SHISA9: variants seen among roughly 807,000 people sequenced by gnomAD.
The protein encoded by SHISA9 is protein shisa-9.
Under a neutral mutation model 38.0 loss-of-function variants are expected in SHISA9, and 13 were observed. The ratio of observed to expected loss-of-function variants is 0.34; its 90% confidence interval spans 0.22 to 0.54. The LOEUF (loss-of-function observed/expected upper bound fraction) is 0.54. Ranked by LOEUF, SHISA9 falls within the 20% of genes least tolerant of loss-of-function variation. SHISA9 has a pLI of 0.91. For missense variants in SHISA9, 538 were observed against 575.8 expected, an observed-to-expected ratio of 0.93 and a Z score of 0.67; for synonymous variants, 275 against 242.0, an observed-to-expected ratio of 1.14 and a Z score of -1.27.
At chr16:13,274,846 A>G in the SHISA9 span, among the ~76,000 whole-genome samples, 1 of 152,174 alleles carries the variant, frequency 6.6e-6, no homozygotes, top group Non-Finnish European at 1.5e-5. Flanking sequence ...TCCCTGCAGC[A>G]GAAACACCTC....
intron 3 of SHISA9, among the ~76,000 whole-genome samples, chr16:13,210,169 G>A (rs1182038791): frequency 1.3e-5 from 2 of 152,188 alleles, no homozygotes; most frequent in African/African-American, 4.8e-5. Flanking sequence ...TTCCAGAACT[G>A]GAAAAGATCA....
the SHISA9 span, among the ~76,000 whole-genome samples, chr16:13,487,690 T>G: frequency 1.3e-5 from 2 of 152,262 alleles, no homozygotes; most frequent in Non-Finnish European, 2.9e-5. Flanking sequence ...TCTAGATTAC[T>G]TATAATACTA....
At chr16:13,167,343 A>T (rs1439010888) in intron 2 of SHISA9, among the ~76,000 whole-genome samples, 3 of 152,146 alleles carry the variant, frequency 2.0e-5, no homozygotes, top group East Asian at 3.9e-4. Flanking sequence ...AAGTGCTGGG[A>T]TCACAGGCGT....
At chr16:13,179,885 A>G (rs2142029898) in intron 2 of SHISA9, among the ~76,000 whole-genome samples, 1 of 152,300 alleles carries the variant, frequency 6.6e-6, no homozygotes, top group East Asian at 1.9e-4. Context: ...TGTTGAGAGC[A>G]GGATTGAATA....
chr16:13,469,427 GAAA>G, the SHISA9 span, among the ~76,000 whole-genome samples: 2 of 121,172 alleles, frequency 1.7e-5, no homozygotes, highest in African/African-American at 6.2e-5. Context: ...GAAAGAAAAA[GAAA>G]GAAAGAGAAA....
intron 2 of SHISA9, among the ~76,000 whole-genome samples, chr16:13,143,669 G>C (rs1229131567): frequency 6.6e-5 from 10 of 152,152 alleles, no homozygotes; most frequent in Non-Finnish European, 7.3e-5. Context: ...ACAAGAGCCA[G>C]CCATCAAACA....
the SHISA9 span, among the ~76,000 whole-genome samples, chr16:13,330,209 C>G: frequency 6.6e-6 from 1 of 152,202 alleles, no homozygotes; most frequent in Non-Finnish European, 1.5e-5. Flanking sequence ...CCATTTCACC[C>G]GACTATGTGC....
At chr16:13,168,614 T>C (rs2050658579) in intron 2 of SHISA9, among the ~76,000 whole-genome samples, 1 of 152,220 alleles carries the variant, frequency 6.6e-6, no homozygotes, top group Non-Finnish European at 1.5e-5. Context: ...GGTTGTGAAC[T>C]ACTGCCTAGA....
chr16:12,970,404 C>CAT (rs1265670441), intron 2 of SHISA9, among the ~76,000 whole-genome samples: 3 of 11,722 alleles, frequency 2.6e-4, no homozygotes, highest in African/African-American at 4.1e-4. Context: ...TATATATATA[C>CAT]ATATATATAT....
chr16:13,481,623 C>A, the SHISA9 span, among the ~76,000 whole-genome samples: 1 of 152,158 alleles, frequency 6.6e-6, no homozygotes, highest in Non-Finnish European at 1.5e-5. Context: ...ATGTCTACCA[C>A]TGTGTCCTCA....
chr16:13,488,738 C>T, the SHISA9 span, among the ~76,000 whole-genome samples: 6 of 152,194 alleles, frequency 3.9e-5, no homozygotes, highest in East Asian at 1.2e-3. Flanking sequence ...ACAATGCATT[C>T]TTATTTATTT....
rs867900684 is a variant in SHISA9, at chr16:12,964,403, G to A, written c.691+47588G>A. On this transcript the variant is annotated intron_variant, in intron 2 of 4. Coordinates refer to ENST00000558583, the MANE Select transcript of SHISA9 (RefSeq NM_001145204.3). Reference sequence around the variant, plus strand: ...CTTTCTGTTTTTTTTTTTTTCAACAGAAACTCAAACTGACTTAAATAATAG... The same window carrying A: ...CTTTCTGTTTTTTTTTTTTTCAACAAAAACTCAAACTGACTTAAATAATAG... 5.4e-5 allele frequency among the ~76,000 whole-genome samples: 8 copies of A among 148,246 alleles called. No individual in the cohort carries two copies. The South Asian group carries it at 1.5e-3, about 28-fold the overall frequency.
intron 2 of SHISA9, among the ~76,000 whole-genome samples, chr16:12,932,893 T>C (rs1348216279): frequency 1.3e-5 from 2 of 152,228 alleles, no homozygotes; most frequent in African/African-American, 4.8e-5. Flanking sequence ...ATTAGCCATG[T>C]CTGCTGTGAG....
At chr16:13,122,938 C>G (rs1446420844) in intron 2 of SHISA9, among the ~76,000 whole-genome samples, 1 of 151,810 alleles carries the variant, frequency 6.6e-6, no homozygotes, top group Non-Finnish European at 1.5e-5. Context: ...TTCCAGCTAC[C>G]TGGGAGGCTG....
At chr16:13,009,178 A>G (rs1173525258) in intron 2 of SHISA9, among the ~76,000 whole-genome samples, 1 of 152,048 alleles carries the variant, frequency 6.6e-6, no homozygotes, top group Non-Finnish European at 1.5e-5. Flanking sequence ...CAAGGTAGTC[A>G]AGTGGGTCAC....
intron 2 of SHISA9, among the ~76,000 whole-genome samples, chr16:13,020,027 CTCTT>C (rs1316259508): frequency 7.7e-6 from 1 of 130,342 alleles, no homozygotes; most frequent in Non-Finnish European, 1.6e-5. Flanking sequence ...TTCCTTCCTT[CTCTT>C]TCTTTCTTTT....
chr16:12,946,268 G>C (rs535855959), intron 2 of SHISA9, among the ~76,000 whole-genome samples: 1 of 152,336 alleles, frequency 6.6e-6, no homozygotes, highest in African/African-American at 2.4e-5. Context: ...TTGCAGTCAG[G>C]TAGTGTGATG....
chr16:13,256,847 A>C, the SHISA9 span, among the ~76,000 whole-genome samples: 1 of 152,238 alleles, frequency 6.6e-6, no homozygotes, highest in East Asian at 1.9e-4. Context: ...CTAGGGACTG[A>C]AAACGTTCCT....
At chr16:13,016,564 T>TTTGTTG (rs759835697) in intron 2 of SHISA9, among the ~76,000 whole-genome samples, 1 of 151,992 alleles carries the variant, frequency 6.6e-6, no homozygotes, top group Admixed American at 6.6e-5. Context: ...GTAGTGGTTT[T>TTTGTTG]TTGTTGTTGT....
Sources: gnomAD v4.1 joint callset for allele counts (sites outside exome capture counted in the v4.1 genomes callset) on GRCh38, gnomAD v4.1.1 for gene constraint, MANE v1.5 for transcripts, NCBI Gene and HGNC (gene_info 2026-07-23, HGNC 2026-07-21) for gene names.